Variants in RSBN1 observed in about 807,000 individuals in gnomAD.
RSBN1 encodes lysine-specific demethylase 9.
A neutral mutation model predicts 74.8 loss-of-function variants in RSBN1; 23 were observed. The observed-to-expected ratio is 0.31, with a 90% confidence interval of 0.22 to 0.44. RSBN1 has a LOEUF of 0.44. RSBN1 is among the 20% of genes least tolerant of loss of function. The pLI, the probability that RSBN1 is intolerant of heterozygous loss-of-function variation, is 1.00. For synonymous variants in RSBN1, 407 were observed against 379.6 expected, an observed-to-expected ratio of 1.07 and a Z score of -0.84; for missense variants, 808 against 1,020.9, an observed-to-expected ratio of 0.79 and a Z score of 2.84.
In RSBN1 at chr1:113,812,109, G is replaced by T; in HGVS notation, c.304C>A (p.Arg102=). ...SSGGSQEKRG[R]PSQEPPLAPP... is the part of the protein sequence containing the mutation. ...GCGAGAGGGGGCTCCTGGCTCGGCC[G>T]CCCCCGCTTCTCCTGAGACCCCCCA... The change falls in exon 1 of 7, where the codon CGG becomes AGG. Residue 102 remains arginine (R), a synonymous_variant. Transcript: ENST00000261441. The T allele has an allele frequency of 6.3e-7, 1 of 1,599,054 alleles. No individual in the cohort carries two copies.
intron 4 of RSBN1, 34 bp from the exon 5 acceptor site, chr1:113,768,423 G>A (rs1659826097): frequency 1.3e-6 from 2 of 1,526,170 alleles, no homozygotes; most frequent in East Asian, 2.3e-5. Context: ...CAAAGGGTAA[G>A]CAAGGAAGAA....
At chr1:113,785,513 G>A (rs200520289) in intron 2 of RSBN1, among the ~76,000 whole-genome samples, 2 of 152,150 alleles carry the variant, frequency 1.3e-5, no homozygotes, top group East Asian at 1.9e-4. Context: ...TCACTACATA[G>A]CACATAAACA....
intron 4 of RSBN1, among the ~76,000 whole-genome samples, chr1:113,774,118 G>A (rs947041765): frequency 2.9e-4 from 44 of 152,146 alleles, no homozygotes; most frequent in African/African-American, 1.0e-3. Context: ...CTGACTTGAG[G>A]GTCAGGGGAG....
chr1:113,797,276 A>G, intron 2 of RSBN1, 87 bp downstream of exon 2: 1 of 1,020,968 alleles, frequency 9.8e-7, no homozygotes, highest in Non-Finnish European at 1.4e-6. Flanking sequence ...GTTATCAAAA[A>G]TGTGCTGGTA....
chr1:113,777,858 T>C (rs1214907326), intron 2 of RSBN1, 50 bp from the exon 3 acceptor site: 4 of 1,441,218 alleles, frequency 2.8e-6, no homozygotes, highest in Admixed American at 4.7e-5. Context: ...AACTATAATA[T>C]AATTAAAGAA....
intron 4 of RSBN1, among the ~76,000 whole-genome samples, chr1:113,770,895 G>A (rs910804382): frequency 3.6e-4 from 55 of 152,020 alleles, no homozygotes; most frequent in African/African-American, 1.2e-3. Context: ...ATCAAACCAG[G>A]AGCTCTATTA....
intron 6 of RSBN1, 126 bp downstream of exon 6, chr1:113,766,973 G>A: frequency 1.9e-6 from 1 of 535,156 alleles, no homozygotes; most frequent in Non-Finnish European, 3.3e-6. Context: ...CCCCACCCCA[G>A]TCTTTAACAG....
chr1:113,797,892 G>A lies in RSBN1; in HGVS notation c.848C>T (p.Ala283Val). Reference sequence around the variant, plus strand: ...TTCTTTACTGATGCGGGTCAGGCCAGCACAGACGGTTTGTACTTCCTTATT... The same window carrying A: ...TTCTTTACTGATGCGGGTCAGGCCAACACAGACGGTTTGTACTTCCTTATT... ...MYNKEVQTVCAGLTRISKEIL... is the reference protein window; with the variant it reads ...MYNKEVQTVCVGLTRISKEIL... Residue 283 changes from alanine to valine, a missense_variant, in exon 2 of 7, where the codon GCT becomes GTT. By Grantham distance (64) the Ala-to-Val change is moderately conservative. Coordinates refer to ENST00000261441, the MANE Select transcript of RSBN1 (RefSeq NM_018364.5). 1 of 1,613,568 alleles carries A rather than the reference G, an allele frequency of 6.2e-7. No individual in the cohort carries two copies. Among genetic ancestry groups the A allele is most frequent in the Non-Finnish European group, 8.5e-7 (1 of 1,179,948 alleles).
chr1:113,785,599 A>G (rs551030399), intron 2 of RSBN1, among the ~76,000 whole-genome samples: 162 of 152,340 alleles, frequency 1.1e-3, no homozygotes, highest in Non-Finnish European at 1.9e-3. Flanking sequence ...CTTACAGTCT[A>G]GTAAGGAGAG....
At chr1:113,773,319 GT>G (rs917204700) in intron 4 of RSBN1, among the ~76,000 whole-genome samples, 10 of 152,062 alleles carry the variant, frequency 6.6e-5, no homozygotes, top group Non-Finnish European at 1.3e-4. Context: ...GAGGCCAGGT[GT>G]TTGGGACGAG....
chr1:113,789,151 C>T (rs776532574), intron 2 of RSBN1, among the ~76,000 whole-genome samples: 55 of 152,210 alleles, frequency 3.6e-4, no homozygotes, highest in Admixed American at 1.4e-3. Context: ...GAGGGTTGGA[C>T]GGTCAGCCCT....
At chr1:113,775,460 A>G (rs753367736) in intron 4 of RSBN1, among the ~76,000 whole-genome samples, 3 of 151,782 alleles carry the variant, frequency 2.0e-5, no homozygotes, top group African/African-American at 4.8e-5. Flanking sequence ...TCATGCCTCA[A>G]CCACCTCAGT....
At chr1:113,767,969 G>A (rs1659811928) in intron 5 of RSBN1, 1 of 304,260 alleles carries the variant, frequency 3.3e-6, no homozygotes, top group African/African-American at 2.2e-5. Flanking sequence ...GCCTGGGGGT[G>A]AGAGTAAAAG....
chr1:113,800,717 T>C (rs1660566396), intron 1 of RSBN1, among the ~76,000 whole-genome samples: 2 of 152,122 alleles, frequency 1.3e-5, no homozygotes, highest in Non-Finnish European at 2.9e-5. Context: ...ATTTTCTGTA[T>C]TACTATCAAC....
At chr1:113,793,304 T>C (rs570911227) in intron 2 of RSBN1, among the ~76,000 whole-genome samples, 1 of 152,360 alleles carries the variant, frequency 6.6e-6, no homozygotes, top group African/African-American at 2.4e-5. Context: ...CAATAGTATT[T>C]ACCTGTCCAC....
chr1:113,786,039 T>C (rs1447569209), intron 2 of RSBN1, among the ~76,000 whole-genome samples: 1 of 152,210 alleles, frequency 6.6e-6, no homozygotes, highest in Non-Finnish European at 1.5e-5. Context: ...TATTCTATAA[T>C]ATGCCAAATA....
At position 113,797,788 on chromosome 1, in the gene RSBN1, A is replaced by T; in HGVS notation, c.952T>A (p.Cys318Ser). The T allele has an allele frequency of 6.2e-7, 1 of 1,614,100 alleles. No individual in the cohort carries two copies. The highest frequency in any genetic ancestry group is 8.5e-7 in the Non-Finnish European group (1 of 1,179,994). ...SFRYLKDEQL[C>S]RLNLGMQEYR... ...TCTTGCATACCCAAATTTAATCGGC[A>T]CAGCTGTTCATCTTTCAGATACCTG... Residue 318 changes from cysteine (C) to serine (S), a missense_variant, in exon 2 of 7, where the codon TGC becomes AGC. Cys to Ser is a moderately radical substitution (Grantham distance 112). Coordinates refer to ENST00000261441, the MANE Select transcript of RSBN1 (RefSeq NM_018364.5).
At chr1:113,776,485 G>A (rs960900442) in intron 4 of RSBN1, among the ~76,000 whole-genome samples, 1 of 152,118 alleles carries the variant, frequency 6.6e-6, no homozygotes, top group Non-Finnish European at 1.5e-5. Flanking sequence ...AGGACTAAAG[G>A]CATATGCCAC....
chr1:113,777,222 A>T lies in RSBN1; in HGVS notation c.1646T>A (p.Phe549Tyr). The T allele has an allele frequency of 6.2e-7, 1 of 1,605,858 alleles. No homozygotes were observed. Among genetic ancestry groups the T allele is most frequent in the Non-Finnish European group, 8.5e-7 (1 of 1,175,968 alleles). ...IPTADMPKSP[F>Y]KRRRSMNEIK... ...AAGAAATATTTACCGTCGTCTTTTGAAGGGTGACTTTGGCATATCTGCTGT... is the reference window on the plus strand; with the variant it reads ...AAGAAATATTTACCGTCGTCTTTTGTAGGGTGACTTTGGCATATCTGCTGT... Residue 549 changes from phenylalanine (F) to tyrosine (Y), a missense_variant, in exon 4 of 7, where the codon TTC becomes TAC. Phe to Tyr is a conservative substitution (Grantham distance 22). Around this residue, in one of 6 missense-constraint regions of RSBN1, gnomAD observed 112 missense variants for 257.3 expected, o/e 0.44. Transcript: ENST00000261441.
Sources: allele counts gnomAD v4.1 joint callset (sites outside exome capture counted in the v4.1 genomes callset), GRCh38; gene constraint gnomAD v4.1.1; regional missense constraint gnomAD v4.1.1; transcripts MANE v1.5; gene names NCBI Gene and HGNC (gene_info 2026-07-23, HGNC 2026-07-21).